RPS6KC1: variants seen among roughly 807,000 people sequenced by gnomAD.
The protein encoded by RPS6KC1 is ribosomal protein S6 kinase C1.
A neutral mutation model predicts 103.8 loss-of-function variants in RPS6KC1; 54 were observed. That is an observed-to-expected ratio of 0.52 (90% CI 0.42 to 0.65). RPS6KC1 has a LOEUF of 0.65. Ranked by LOEUF, RPS6KC1 falls within the 30% of genes least tolerant of loss-of-function variation. The pLI is 0.00. For missense variants in RPS6KC1, 1,151 were observed against 1,253.8 expected (o/e 0.92, Z 1.24); for synonymous variants, 439 against 438.7 (o/e 1.00, Z -0.01).
At chr1:213,426,758 T>G in the RPS6KC1 span, among the ~76,000 whole-genome samples, 1 of 152,214 alleles carries the variant, frequency 6.6e-6, no homozygotes, top group Non-Finnish European at 1.5e-5. Flanking sequence ...TTTTGTGTAT[T>G]CTTTCGTAGT....
intron 8 of RPS6KC1, among the ~76,000 whole-genome samples, chr1:213,224,244 G>A (rs2148810381): frequency 6.6e-6 from 1 of 152,214 alleles, no homozygotes; most frequent in African/African-American, 2.4e-5. Flanking sequence ...TTAACAAATA[G>A]ACTCAAACCT....
At chr1:213,771,065 T>A in the RPS6KC1 span, among the ~76,000 whole-genome samples, 1 of 152,210 alleles carries the variant, frequency 6.6e-6, no homozygotes, top group Non-Finnish European at 1.5e-5. Flanking sequence ...TTCTCTCCCT[T>A]CTTTTCTTTT....
At chr1:213,320,968 C>T in the RPS6KC1 span, among the ~76,000 whole-genome samples, 10 of 152,282 alleles carry the variant, frequency 6.6e-5, no homozygotes, top group African/African-American at 1.4e-4. Context: ...AGGCCCCTGA[C>T]GGTGTGGGTA....
chr1:213,473,483 G>T, the RPS6KC1 span, among the ~76,000 whole-genome samples: 2 of 152,194 alleles, frequency 1.3e-5, no homozygotes, highest in African/African-American at 2.4e-5. Flanking sequence ...ATGTACCCCA[G>T]GACATCAACT....
intron 1 of RPS6KC1, among the ~76,000 whole-genome samples, chr1:213,052,260 T>C (rs1048019644): frequency 1.3e-5 from 2 of 152,236 alleles, no homozygotes; most frequent in Non-Finnish European, 2.9e-5. Context: ...ATGTGACGTA[T>C]GTGTGCATGA....
chr1:213,843,212 T>C, the RPS6KC1 span, among the ~76,000 whole-genome samples: 2 of 152,200 alleles, frequency 1.3e-5, no homozygotes, highest in African/African-American at 4.8e-5. Context: ...TGTAATCTGC[T>C]TTACTCAAAG....
chr1:213,365,363 C>T, the RPS6KC1 span, among the ~76,000 whole-genome samples: 1 of 152,246 alleles, frequency 6.6e-6, no homozygotes, highest in Admixed American at 6.5e-5. Context: ...AAAGGTATGA[C>T]AAGCTGTTAT....
At chr1:213,833,503 A>G in the RPS6KC1 span, among the ~76,000 whole-genome samples, 2 of 151,898 alleles carry the variant, frequency 1.3e-5, no homozygotes, top group Non-Finnish European at 2.9e-5. Flanking sequence ...GAGCTAACAC[A>G]CCCTCCCTGC....
the RPS6KC1 span, among the ~76,000 whole-genome samples, chr1:213,602,412 T>A: frequency 6.6e-6 from 1 of 151,464 alleles, no homozygotes; most frequent in Non-Finnish European, 1.5e-5. Flanking sequence ...TTCTCTTTTT[T>A]AGTAGAGAGG....
At chr1:213,761,680 A>T in the RPS6KC1 span, among the ~76,000 whole-genome samples, 1 of 152,200 alleles carries the variant, frequency 6.6e-6, no homozygotes, top group Non-Finnish European at 1.5e-5. Context: ...GCTCACTCAG[A>T]CATCTTCTAG....
At chr1:213,395,429 A>G in the RPS6KC1 span, among the ~76,000 whole-genome samples, 1 of 152,062 alleles carries the variant, frequency 6.6e-6, no homozygotes, top group Non-Finnish European at 1.5e-5. Context: ...ACTCTCCCCT[A>G]CTCACTAGTC....
the RPS6KC1 span, among the ~76,000 whole-genome samples, chr1:213,757,940 A>G: frequency 3.3e-5 from 5 of 152,238 alleles, no homozygotes; most frequent in Non-Finnish European, 7.3e-5. Flanking sequence ...AGCCTGGATG[A>G]CAGCACATCT....
At chr1:213,838,128 T>G in the RPS6KC1 span, among the ~76,000 whole-genome samples, 45 of 152,218 alleles carry the variant, frequency 3.0e-4, no homozygotes, top group African/African-American at 1.1e-3. Context: ...ATTTTTATCA[T>G]GAAAACTTTA....
intron 2 of RPS6KC1, among the ~76,000 whole-genome samples, chr1:213,076,831 G>T (rs1256578334): frequency 6.6e-6 from 1 of 151,586 alleles, no homozygotes; most frequent in Non-Finnish European, 1.5e-5. Flanking sequence ...CATGTTAATT[G>T]CTTGCTGCAT....
the RPS6KC1 span, among the ~76,000 whole-genome samples, chr1:213,678,911 A>C: frequency 6.6e-6 from 1 of 152,182 alleles, no homozygotes; most frequent in African/African-American, 2.4e-5. Context: ...TAAATCTGCA[A>C]AGGGTGGCTC....
the RPS6KC1 span, among the ~76,000 whole-genome samples, chr1:213,491,931 A>C: frequency 6.6e-6 from 1 of 152,118 alleles, no homozygotes; most frequent in African/African-American, 2.4e-5. Context: ...GAAACACTAT[A>C]TATAAACTGC....
chr1:213,378,753 T>A, the RPS6KC1 span, among the ~76,000 whole-genome samples: 29 of 152,294 alleles, frequency 1.9e-4, no homozygotes, highest in Admixed American at 9.8e-4. Context: ...AAGTGAAGAA[T>A]CCTGCCAAGC....
chr1:213,638,482 C>T, the RPS6KC1 span, among the ~76,000 whole-genome samples: 1 of 151,988 alleles, frequency 6.6e-6, no homozygotes, highest in African/African-American at 2.4e-5. Flanking sequence ...AAAAGTTATA[C>T]ATTTTAAATT....
chr1:213,776,562 C>A, the RPS6KC1 span, among the ~76,000 whole-genome samples: 4 of 152,184 alleles, frequency 2.6e-5, no homozygotes, highest in African/African-American at 9.7e-5. Flanking sequence ...TGCTATTATC[C>A]ACGTTTTCAC....
Sources: gnomAD v4.1 joint callset for allele counts (sites outside exome capture counted in the v4.1 genomes callset) on GRCh38, gnomAD v4.1.1 for gene constraint, MANE v1.5 for transcripts, NCBI Gene and HGNC (gene_info 2026-07-23, HGNC 2026-07-21) for gene names.